ITPR1: variants seen among roughly 807,000 people sequenced by gnomAD.
ITPR1 encodes the protein inositol 1,4,5-trisphosphate receptor type 1, also known as inositol 1,4,5-trisphosphate-gated calcium channel ITPR1.
A neutral mutation model predicts 318.4 loss-of-function variants in ITPR1; 96 were observed. That is an observed-to-expected ratio of 0.30 (90% CI 0.26 to 0.36). The LOEUF (loss-of-function observed/expected upper bound fraction) is 0.36, where lower values mean the gene tolerates loss of function less well. Among genes scored for constraint, ITPR1 ranks in the 10% least tolerant of loss-of-function variants. The pLI is 1.00. For synonymous variants in ITPR1, 1,312 were observed against 1,289.9 expected, an observed-to-expected ratio of 1.02 and a Z score of -0.37; for missense variants, 2,440 against 3,460.2, an observed-to-expected ratio of 0.71 and a Z score of 7.40.
At chr3:4,622,166 G>A (rs1375268461) in intron 4 of ITPR1, among the ~76,000 whole-genome samples, 1 of 147,522 alleles carries the variant, frequency 6.8e-6, no homozygotes, top group Non-Finnish European at 1.5e-5. Flanking sequence ...CCAGGCTGGA[G>A]TGCAGTGGCG....
chr3:4,699,341 C>T (rs1168717053), intron 34 of ITPR1, among the ~76,000 whole-genome samples: 4 of 147,470 alleles, frequency 2.7e-5, no homozygotes, highest in East Asian at 1.9e-4. Context: ...TGGGTGACAG[C>T]GTGAGACTCT....
rs775238471 is a variant in ITPR1 at position 4,717,362 on chromosome 3, T to G, written c.5104-5T>G. The G allele has an allele frequency of 5.6e-6, 9 of 1,594,552 alleles. No homozygotes were observed. The highest frequency in any genetic ancestry group is 7.7e-6 in the Non-Finnish European group (9 of 1,175,466). On this transcript the variant is annotated splice_polypyrimidine_tract_variant and splice_region_variant and intron_variant, in intron 39 of 61. Coordinates refer to ENST00000649015, the MANE Select transcript of ITPR1 (RefSeq NM_001378452.1). Reference sequence around the variant, plus strand: ...TCTCTCTCTCTCCCCTTTTTTCTTTTCCAGCTAATTTCCATTGATGAATTG... The same window carrying G: ...TCTCTCTCTCTCCCCTTTTTTCTTTGCCAGCTAATTTCCATTGATGAATTG...
intron 3 of ITPR1, 105 bp from the exon 4 acceptor site, chr3:4,520,919 A>G (rs1160180076): frequency 1.2e-6 from 1 of 812,392 alleles, no homozygotes; most frequent in Non-Finnish European, 2.1e-6. Flanking sequence ...GAATATGGCA[A>G]TCTAAATGTT....
chr3:4,664,960 C>T (rs918438388), intron 16 of ITPR1, among the ~76,000 whole-genome samples, 178 bp from the exon 17 acceptor site: 2 of 152,162 alleles, frequency 1.3e-5, no homozygotes, highest in Non-Finnish European at 2.9e-5. Context: ...AGACTTAATT[C>T]AGCGCGTCTC....
At chr3:4,692,379 A>C (rs148730176) in intron 32 of ITPR1, among the ~76,000 whole-genome samples, 73 of 152,340 alleles carry the variant, frequency 4.8e-4, no homozygotes, top group Non-Finnish European at 4.4e-5. Context: ...CTCTAGGCAC[A>C]GTCCTAAGCA....
chr3:4,622,624 A>G (rs1316994162), intron 4 of ITPR1, among the ~76,000 whole-genome samples: 2 of 151,958 alleles, frequency 1.3e-5, no homozygotes, highest in Admixed American at 6.6e-5. Context: ...GGGTTTCACC[A>G]TGTTGGCCTC....
chr3:4,566,432 C>T (rs945414037), intron 4 of ITPR1, among the ~76,000 whole-genome samples: 1 of 152,118 alleles, frequency 6.6e-6, no homozygotes, highest in African/African-American at 2.4e-5. Context: ...TCTGTTGAAT[C>T]AGCTCCTGGA....
chr3:4,720,816 C>T (rs774817051), intron 40 of ITPR1, among the ~76,000 whole-genome samples: 4 of 151,980 alleles, frequency 2.6e-5, no homozygotes, highest in Non-Finnish European at 5.9e-5. Flanking sequence ...ACAGGAGAAA[C>T]AAAGAGTGAT....
At chr3:4,629,628 G>T (rs1024030824) in intron 5 of ITPR1, among the ~76,000 whole-genome samples, 1 of 152,246 alleles carries the variant, frequency 6.6e-6, no homozygotes, top group Non-Finnish European at 1.5e-5. Context: ...TGAGCAGTGT[G>T]CTAGGTGCTA....
At chr3:4,567,301 A>C (rs1468908977) in intron 4 of ITPR1, among the ~76,000 whole-genome samples, 1 of 152,116 alleles carries the variant, frequency 6.6e-6, no homozygotes, top group African/African-American at 2.4e-5. Context: ...AGCACTAGTG[A>C]TCAGGATAAA....
intron 45 of ITPR1, among the ~76,000 whole-genome samples, chr3:4,767,708 T>C (rs958643798): frequency 1.3e-5 from 2 of 152,218 alleles, no homozygotes; most frequent in African/African-American, 2.4e-5. Context: ...TTTTTTGTTT[T>C]GTAGAGATGG....
chr3:4,518,791 T>C (rs2082344388), intron 3 of ITPR1, among the ~76,000 whole-genome samples: 1 of 152,198 alleles, frequency 6.6e-6, no homozygotes, highest in African/African-American at 2.4e-5. Context: ...AAGGTTCAGC[T>C]TGGTGCGGTA....
chr3:4,705,000 G>A (rs181172721), intron 36 of ITPR1, among the ~76,000 whole-genome samples: 2 of 151,982 alleles, frequency 1.3e-5, no homozygotes, highest in Admixed American at 6.5e-5. Flanking sequence ...TTGTTGGCTG[G>A]CTTATAGTTT....
intron 4 of ITPR1, among the ~76,000 whole-genome samples, chr3:4,535,145 G>A (rs1214065090): frequency 6.7e-6 from 1 of 149,506 alleles, no homozygotes; most frequent in African/African-American, 2.4e-5. Flanking sequence ...TGGGCGGGGG[G>A]AGGGAGGAAA....
intron 29 of ITPR1, among the ~76,000 whole-genome samples, chr3:4,684,547 T>C (rs556625865): frequency 1.3e-5 from 2 of 152,352 alleles, no homozygotes. Flanking sequence ...CTACTTATTA[T>C]TTTTGTCCTC....
chr3:4,819,287 T>C (rs1242635074), intron 60 of ITPR1, among the ~76,000 whole-genome samples: 1 of 152,258 alleles, frequency 6.6e-6, no homozygotes, highest in Non-Finnish European at 1.5e-5. Context: ...TCCTAGGTTC[T>C]GGAGGGCTTT....
At chr3:4,537,430 G>T (rs2083975168) in intron 4 of ITPR1, among the ~76,000 whole-genome samples, 1 of 152,162 alleles carries the variant, frequency 6.6e-6, no homozygotes, top group East Asian at 1.9e-4. Context: ...TTCCTAGATT[G>T]ACTGGTTTTG....
At chr3:4,604,069 A>G (rs2091512024) in intron 4 of ITPR1, among the ~76,000 whole-genome samples, 1 of 152,010 alleles carries the variant, frequency 6.6e-6, no homozygotes, top group East Asian at 1.9e-4. Context: ...TTTGATTTGC[A>G]TTTCTTCAGT....
intron 4 of ITPR1, among the ~76,000 whole-genome samples, chr3:4,587,975 T>TG (rs2090062575): frequency 8.2e-3 from 4 of 490 alleles, no homozygotes; most frequent in Non-Finnish European, 0.019. Context: ...TCCCTAAGCA[T>TG]ATTTACTGCC....
Sources: gnomAD v4.1 joint callset for allele counts (sites outside exome capture counted in the v4.1 genomes callset) on GRCh38, gnomAD v4.1.1 for gene constraint, MANE v1.5 for transcripts, NCBI Gene and HGNC (gene_info 2026-07-23, HGNC 2026-07-21) for gene names.